The following ADGRL3 variants were observed in gnomAD, a reference collection of about 807,000 sequenced individuals.
The protein encoded by ADGRL3 is calcium-independent alpha-latrotoxin receptor 3.
Under a neutral mutation model 153.5 loss-of-function variants are expected in ADGRL3, and 62 were observed. The observed-to-expected ratio is 0.40, with a 90% CI of 0.33 to 0.50. ADGRL3 has a LOEUF of 0.50. Among genes scored for constraint, ADGRL3 ranks in the 20% least tolerant of loss-of-function variants. ADGRL3 has a pLI of 0.47. For missense variants in ADGRL3, 1,641 were observed against 1,859.4 expected (o/e 0.88, Z 2.16); for synonymous variants, 710 against 672.5 (o/e 1.06, Z -0.86).
rs538710076 is a variant in ADGRL3 at position 61,633,184 on chromosome 4, C to T, written c.474-43642C>T. On this transcript the variant is annotated intron_variant, in intron 5 of 26. Transcript: ENST00000683033. Reference sequence around the variant, plus strand: ...CTCTAATGCCAATTTTTCTTACTCTCTTATTATTGAAGGTGTAACTTGATA... The same window carrying T: ...CTCTAATGCCAATTTTTCTTACTCTTTTATTATTGAAGGTGTAACTTGATA... Among the ~76,000 whole-genome samples, 4 of 148,716 alleles carry T rather than the reference C, an allele frequency of 2.7e-5. No homozygotes were observed. In the South Asian group the frequency reaches 8.7e-4, roughly 32 times the overall value.
intron 2 of ADGRL3, chr4:61,427,614 G>C (rs2097298659): frequency 6.5e-6 from 1 of 152,766 alleles, no homozygotes; most frequent in Non-Finnish European, 1.5e-5. Flanking sequence ...TGGGGCCCCA[G>C]TGGCTGTTCC....
intron 21 of ADGRL3, among the ~76,000 whole-genome samples, chr4:62,013,636 T>C (rs955981788): frequency 1.3e-5 from 2 of 152,068 alleles, no homozygotes; most frequent in Non-Finnish European, 2.9e-5. Flanking sequence ...ATGCCTGTAA[T>C]CCTAGCACTT....
chr4:61,289,181 C>G (rs2094069008), intron 1 of ADGRL3, among the ~76,000 whole-genome samples: 1 of 151,788 alleles, frequency 6.6e-6, no homozygotes, highest in Non-Finnish European at 1.5e-5. Context: ...TTCATAAATT[C>G]TAACAGGCAT....
At chr4:61,757,266 G>A (rs1222323921) in intron 8 of ADGRL3, among the ~76,000 whole-genome samples, 6 of 151,940 alleles carry the variant, frequency 3.9e-5, no homozygotes, top group Non-Finnish European at 8.8e-5. Context: ...TTTTTTGGTT[G>A]GTAAGCTATT....
chr4:62,031,996 G>C (rs1398972282), intron 23 of ADGRL3, among the ~76,000 whole-genome samples: 1 of 141,964 alleles, frequency 7.0e-6, no homozygotes, highest in Admixed American at 7.1e-5. Flanking sequence ...CACACACATG[G>C]ATATATATCA....
chr4:61,222,563 C>CAAAACAAACT (rs1473974634), intron 1 of ADGRL3, among the ~76,000 whole-genome samples: 1 of 151,796 alleles, frequency 6.6e-6, no homozygotes, highest in Non-Finnish European at 1.5e-5. Flanking sequence ...TCTGGACTAA[C>CAAAACAAACT]AAAACAAAAC....
chr4:61,574,028 A>G (rs2098850592), intron 4 of ADGRL3, among the ~76,000 whole-genome samples: 1 of 151,974 alleles, frequency 6.6e-6, no homozygotes, highest in Admixed American at 6.6e-5. Flanking sequence ...AAATTGTTTG[A>G]TTAAAGGGAA....
intron 2 of ADGRL3, among the ~76,000 whole-genome samples, chr4:61,449,674 A>C (rs533247426): frequency 1.3e-5 from 2 of 152,296 alleles, no homozygotes; most frequent in South Asian, 4.1e-4. Flanking sequence ...GACTTTAGTT[A>C]CTTAAAGTAT....
chr4:61,544,639 GT>G (rs1376597513), intron 4 of ADGRL3, among the ~76,000 whole-genome samples: 5 of 152,046 alleles, frequency 3.3e-5, no homozygotes, highest in African/African-American at 1.2e-4. Flanking sequence ...AAATATTTTA[GT>G]TTTCACATTT....
chr4:61,233,507 TTGTTC>T (rs1751614586), intron 1 of ADGRL3, among the ~76,000 whole-genome samples: 1 of 152,154 alleles, frequency 6.6e-6, no homozygotes. Context: ...AGAAGGCAGC[TTGTTC>T]TATTAAACAG....
In ADGRL3 at chr4:61,979,629, G is replaced by T; in HGVS notation, c.2872G>T (p.Val958Phe). ...GTGGGTTGGAATTTTGCTGTCCCTT[G>T]TTTGTCTCCTGATTTGCATCTTCAC... ...ITWVGILLSLVCLLICIFTFC... is the reference protein window; with the variant it reads ...ITWVGILLSLFCLLICIFTFC... The change falls in exon 18 of 27, where the codon GTT (valine) becomes TTT (phenylalanine). Residue 958 changes from valine to phenylalanine, a missense_variant. Physicochemically the swap from Val to Phe is conservative, Grantham distance 50 (BLOSUM62 -1). This residue lies in a region of ADGRL3 where 734 missense variants were observed against 797.0 expected (regional missense o/e 0.92). Transcript: ENST00000683033. 1.2e-6 allele frequency: 2 copies of T among 1,613,774 alleles called. No homozygotes were observed. The highest frequency in any genetic ancestry group is 2.2e-5 in the East Asian group (1 of 44,874).
At chr4:61,566,827 ATTAC>A (rs776918375) in intron 4 of ADGRL3, among the ~76,000 whole-genome samples, 5 of 152,090 alleles carry the variant, frequency 3.3e-5, no homozygotes, top group East Asian at 1.9e-4. Flanking sequence ...GACTGTTATT[ATTAC>A]TTAAAGTTTT....
At chr4:61,338,044 CACTTCAGGCCAG>C (rs919574994) in intron 1 of ADGRL3, among the ~76,000 whole-genome samples, 1 of 152,056 alleles carries the variant, frequency 6.6e-6, no homozygotes, top group African/African-American at 2.4e-5. Context: ...GCAGACGGAT[CACTTCAGGCCAG>C]GAGTTCAAGA....
intron 4 of ADGRL3, among the ~76,000 whole-genome samples, chr4:61,538,036 C>A (rs1265801200): frequency 6.6e-6 from 1 of 152,094 alleles, no homozygotes; most frequent in Non-Finnish European, 1.5e-5. Flanking sequence ...TCTCTAAATA[C>A]TCTGTGTTTT....
Position 61,659,980 on chromosome 4 carries a change from G to A in ADGRL3, c.474-16846G>A, listed in dbSNP as rs115845184. On this transcript the variant is annotated intron_variant, in intron 5 of 26. Coordinates refer to ENST00000683033, the MANE Select transcript of ADGRL3 (RefSeq NM_001387552.1). ...TTAGGAGGAGCACACATAGGATATG[G>A]ACTGATTGGATATTGGGGGGACAGA... Among the ~76,000 whole-genome samples, 509 of 151,646 alleles carry A rather than the reference G, an allele frequency of 3.4e-3. 3 individuals carry two copies. Among genetic ancestry groups the A allele is most frequent in the African/African-American group, 0.012 (487 of 41,398 alleles).
At chr4:61,276,436 A>G (rs534393383) in intron 1 of ADGRL3, among the ~76,000 whole-genome samples, 9 of 152,344 alleles carry the variant, frequency 5.9e-5, no homozygotes, top group Middle Eastern at 3.4e-3. Flanking sequence ...ATTCTGCTAT[A>G]TATGAATTTA....
chr4:61,920,266 G>T (rs1380498212), intron 13 of ADGRL3, among the ~76,000 whole-genome samples: 1 of 152,026 alleles, frequency 6.6e-6, no homozygotes, highest in African/African-American at 2.4e-5. Context: ...AGCTATTAAG[G>T]TAATTATATT....
At chr4:61,877,418 A>T (rs2098482211) in intron 9 of ADGRL3, among the ~76,000 whole-genome samples, 1 of 152,226 alleles carries the variant, frequency 6.6e-6, no homozygotes, top group Non-Finnish European at 1.5e-5. Flanking sequence ...AATACAAAGG[A>T]GTAGCACAAC....
chr4:61,790,165 G>A (rs946714129), intron 8 of ADGRL3, among the ~76,000 whole-genome samples: 1 of 152,032 alleles, frequency 6.6e-6, no homozygotes, highest in African/African-American at 2.4e-5. Flanking sequence ...TTTTTTACCT[G>A]CCTCATGTAT....
Sources: gnomAD v4.1 joint callset for allele counts (sites outside exome capture counted in the v4.1 genomes callset) on GRCh38, gnomAD v4.1.1 for gene constraint, gnomAD v4.1.1 regional missense constraint, MANE v1.5 for transcripts, NCBI Gene and HGNC (gene_info 2026-07-23, HGNC 2026-07-21) for gene names.